The following AFF3 variants were observed in gnomAD, a reference collection of about 807,000 sequenced individuals.
AFF3 encodes the protein AF4/FMR2 family member 3.
In AFF3, 32 loss-of-function variants were observed where a neutral mutation model predicts 129.7. The ratio of observed to expected loss-of-function variants is 0.25; its 90% CI spans 0.19 to 0.33. AFF3 has a LOEUF of 0.33. Among genes scored for constraint, AFF3 ranks in the 10% least tolerant of loss-of-function variants. The pLI, the probability that AFF3 is intolerant of heterozygous loss-of-function variation, is 1.00. For synonymous variants in AFF3, 644 were observed against 635.4 expected (o/e 1.01, Z -0.20); for missense variants, 1,373 against 1,592.0 (o/e 0.86, Z 2.34).
chr2:100,108,788 G>T (rs369313272), intron 2 of AFF3, among the ~76,000 whole-genome samples: 4 of 152,090 alleles, frequency 2.6e-5, no homozygotes, highest in African/African-American at 9.6e-5. Context: ...CTGCTCCTAG[G>T]GTTCAGTCTG....
intron 13 of AFF3, among the ~76,000 whole-genome samples, chr2:99,636,607 T>G (rs1683683284): frequency 6.6e-6 from 1 of 152,190 alleles, no homozygotes; most frequent in South Asian, 2.1e-4. Context: ...GCGGATCGAA[T>G]GGCTGTCCCC....
intron 13 of AFF3, among the ~76,000 whole-genome samples, chr2:99,613,953 C>T (rs1681175461): frequency 6.6e-6 from 1 of 152,192 alleles, no homozygotes; most frequent in South Asian, 2.1e-4. Context: ...ATAAACATTA[C>T]ACTTAGGTCC....
chr2:99,930,549 T>C (rs1051751914), intron 7 of AFF3, among the ~76,000 whole-genome samples: 6 of 152,166 alleles, frequency 3.9e-5, no homozygotes, highest in Non-Finnish European at 7.3e-5. Context: ...CTCTCTCCTC[T>C]TTCTTCCCTC....
intron 4 of AFF3, among the ~76,000 whole-genome samples, chr2:100,012,099 C>A (rs948617153): frequency 1.1e-4 from 17 of 152,150 alleles, no homozygotes; most frequent in African/African-American, 4.1e-4. Flanking sequence ...GGAGTGAACA[C>A]CCTCAGGACC....
intron 18 of AFF3, among the ~76,000 whole-genome samples, chr2:99,571,800 AAT>A (rs1238051922): frequency 6.6e-6 from 1 of 152,208 alleles, no homozygotes; most frequent in African/African-American, 2.4e-5. Flanking sequence ...CAGCAGGACC[AAT>A]GGGATGTCAC....
Position 99,680,022 on chromosome 2 carries a change from A to T in AFF3, c.1092-7433T>A, listed in dbSNP as rs151162959. ...TGGGAGCAGCAGCAGTTCCTTGAAC[A>T]TCCCATGATGCTTTCCAGCTAGAAA... On this transcript the variant is annotated intron_variant, in intron 11 of 24. Transcript: ENST00000672756. Among the ~76,000 whole-genome samples the T allele has an allele frequency of 6.6e-4, 101 of 152,366 alleles. 1 individual carries two copies. The East Asian group carries it at 0.017, about 26-fold the overall frequency.
chr2:99,975,970 G>A (rs1015722976), intron 7 of AFF3, among the ~76,000 whole-genome samples: 4 of 151,486 alleles, frequency 2.6e-5, no homozygotes, highest in African/African-American at 4.9e-5. Context: ...GGCCCAAGAA[G>A]GTGACAGATG....
intron 4 of AFF3, among the ~76,000 whole-genome samples, chr2:100,042,945 G>A (rs1051532259): frequency 1.3e-5 from 2 of 151,584 alleles, no homozygotes; most frequent in East Asian, 3.9e-4. Context: ...TGTTTTTCTC[G>A]GCATAAATAC....
intron 8 of AFF3, among the ~76,000 whole-genome samples, chr2:99,774,082 G>T (rs1683701992): frequency 6.6e-6 from 1 of 152,108 alleles, no homozygotes; most frequent in South Asian, 2.1e-4. Context: ...AAAGAAATCA[G>T]AGATGACACA....
At chr2:99,603,144 A>C (rs1315977402) in intron 13 of AFF3, among the ~76,000 whole-genome samples, 1 of 152,144 alleles carries the variant, frequency 6.6e-6, no homozygotes, top group Non-Finnish European at 1.5e-5. Context: ...TTGTGTCTAG[A>C]ATTGAGTGAG....
At chr2:99,553,652 G>A (rs756251614) in intron 24 of AFF3, among the ~76,000 whole-genome samples, 1 of 151,856 alleles carries the variant, frequency 6.6e-6, no homozygotes, top group Non-Finnish European at 1.5e-5. Flanking sequence ...GGTGGCTCAC[G>A]CCTGTAATCC....
chr2:99,956,971 T>C (rs370241882), intron 7 of AFF3, among the ~76,000 whole-genome samples: 1 of 152,208 alleles, frequency 6.6e-6, no homozygotes, highest in South Asian at 2.1e-4. Context: ...AATTAAAATT[T>C]ATGGAAGATT....
At chr2:99,889,875 G>T (rs1452075821) in intron 7 of AFF3, among the ~76,000 whole-genome samples, 1 of 152,108 alleles carries the variant, frequency 6.6e-6, no homozygotes, top group East Asian at 1.9e-4. Context: ...GGCCAGGCTG[G>T]TCTCGAACTC....
intron 7 of AFF3, among the ~76,000 whole-genome samples, chr2:99,859,160 A>C (rs1022606811): frequency 6.6e-6 from 1 of 152,214 alleles, no homozygotes; most frequent in Non-Finnish European, 1.5e-5. Context: ...ATCAAAGCTA[A>C]TGTTTCTCCT....
intron 7 of AFF3, among the ~76,000 whole-genome samples, chr2:99,973,990 T>C (rs976315251): frequency 6.6e-6 from 1 of 152,210 alleles, no homozygotes; most frequent in Non-Finnish European, 1.5e-5. Context: ...CCTTTCTAAT[T>C]TGCATTTAAA....
rs1263066745 is a variant in AFF3 at position 100,118,693 on chromosome 2, C to T, written c.-145+10531G>A. ...TCATCATTTTTGGCCCCTGGGAATA[C>T]CTGCTTCATAACTTTCCTATGCCCA... On this transcript the variant is annotated intron_variant, in intron 2 of 24. Coordinates refer to ENST00000672756, the MANE Select transcript of AFF3 (RefSeq NM_001386135.1). Among the ~76,000 whole-genome samples the T allele has an allele frequency of 2.0e-5, 3 of 152,044 alleles. No individual in the cohort carries two copies. The East Asian group carries it at 5.8e-4, about 29-fold the overall frequency.
chr2:99,703,062 T>C (rs932198539), intron 11 of AFF3, among the ~76,000 whole-genome samples: 1 of 152,210 alleles, frequency 6.6e-6, no homozygotes, highest in African/African-American at 2.4e-5. Flanking sequence ...TACACAAATT[T>C]GGTAGCTTAA....
At chr2:99,803,265 G>T (rs191114157) in intron 8 of AFF3, among the ~76,000 whole-genome samples, 1 of 152,022 alleles carries the variant, frequency 6.6e-6, no homozygotes, top group African/African-American at 2.4e-5. Context: ...TGTGTATGAC[G>T]AACCATCCCT....
chr2:99,944,739 C>G (rs1163585372), intron 7 of AFF3, among the ~76,000 whole-genome samples: 1 of 152,178 alleles, frequency 6.6e-6, no homozygotes, highest in East Asian at 1.9e-4. Flanking sequence ...GGTGACAGAG[C>G]TGCCACGGGG....
Sources: gnomAD v4.1 joint callset for allele counts (sites outside exome capture counted in the v4.1 genomes callset) on GRCh38, gnomAD v4.1.1 for gene constraint, MANE v1.5 for transcripts, NCBI Gene and HGNC (gene_info 2026-07-23, HGNC 2026-07-21) for gene names.